DIAPH2: variants seen among roughly 807,000 people sequenced by gnomAD.
The protein encoded by DIAPH2 is diaphanous related formin 2.
Under a neutral mutation model 92.7 loss-of-function variants are expected in DIAPH2, and 35 were observed. That is an observed-to-expected ratio of 0.38 (90% CI 0.29 to 0.50). DIAPH2 has a LOEUF of 0.50. Among genes scored for constraint, DIAPH2 ranks in the 20% least tolerant of loss-of-function variants. The pLI is 0.94. For synonymous variants in DIAPH2, 301 were observed against 280.4 expected (o/e 1.07, Z -0.73); for missense variants, 701 against 819.5 (o/e 0.86, Z 1.77).
chrX:96,720,423 G>A (rs2063982432), intron 1 of DIAPH2, among the ~76,000 whole-genome samples: 1 of 111,748 alleles, frequency 8.9e-6, no homozygotes, highest in East Asian at 2.8e-4. Flanking sequence ...AAGAGATTGA[G>A]AGCATACTTC....
chrX:97,596,671 A>G (rs1307306914), intron 26 of DIAPH2, among the ~76,000 whole-genome samples: 2 of 111,841 alleles, frequency 1.8e-5, no homozygotes, highest in Admixed American at 9.5e-5. Flanking sequence ...TCTGGCAGCA[A>G]TCATATCTAA....
At chrX:97,248,123 TAAACA>T (rs2068157604) in intron 23 of DIAPH2, among the ~76,000 whole-genome samples, 1 of 111,920 alleles carries the variant, frequency 8.9e-6, no homozygotes, top group African/African-American at 3.2e-5. Context: ...TGATGAAACC[TAAACA>T]AAACAAAACA....
chrX:97,164,591 A>C (rs1462693645), intron 22 of DIAPH2, among the ~76,000 whole-genome samples: 3 of 112,205 alleles, frequency 2.7e-5, no homozygotes, highest in African/African-American at 9.7e-5. Flanking sequence ...TGACTTTACT[A>C]TTTTCACATG....
At chrX:97,011,005 A>G (rs2066221319) in intron 17 of DIAPH2, among the ~76,000 whole-genome samples, 1 of 112,124 alleles carries the variant, frequency 8.9e-6, no homozygotes, top group African/African-American at 3.2e-5. Context: ...TTTACCCCAC[A>G]TAATATTATT....
chrX:96,890,175 A>G (rs2065297802), intron 5 of DIAPH2, among the ~76,000 whole-genome samples: 2 of 111,923 alleles, frequency 1.8e-5, no homozygotes, highest in African/African-American at 6.5e-5. Context: ...CTAGTTCTTG[A>G]TCACTCCTCT....
intron 23 of DIAPH2, among the ~76,000 whole-genome samples, chrX:97,272,164 A>C: frequency 9.1e-6 from 1 of 109,865 alleles, no homozygotes; most frequent in Middle Eastern, 4.7e-3. Flanking sequence ...ACGCCTGGCT[A>C]ATTTTTGTAT....
intron 26 of DIAPH2, among the ~76,000 whole-genome samples, chrX:97,559,853 A>G (rs1043688666): frequency 8.9e-6 from 1 of 112,014 alleles, no homozygotes; most frequent in Non-Finnish European, 1.9e-5. Context: ...ATCCTGACCT[A>G]CCAGAAATTG....
At chrX:97,097,576 T>G (rs73534720) in intron 19 of DIAPH2, among the ~76,000 whole-genome samples, 6,177 of 112,038 alleles carry the variant, frequency 0.055, 251 homozygotes, top group Admixed American at 0.17. Flanking sequence ...CAAGCTAAAA[T>G]TATATTTTAG....
chrX:96,754,181 G>T (rs1314989084), intron 3 of DIAPH2, among the ~76,000 whole-genome samples: 1 of 111,884 alleles, frequency 8.9e-6, no homozygotes, highest in Admixed American at 9.5e-5. Flanking sequence ...CTTCCAGTCA[G>T]ATTTTTTTCA....
chrX:97,152,367 G>A (rs1160436679), intron 22 of DIAPH2, among the ~76,000 whole-genome samples: 1 of 111,955 alleles, frequency 8.9e-6, no homozygotes, highest in African/African-American at 3.2e-5. Context: ...ACATTTCCTT[G>A]TGCCAAAGTT....
intron 23 of DIAPH2, among the ~76,000 whole-genome samples, chrX:97,250,077 A>T (rs1407762102): frequency 9.0e-6 from 1 of 111,290 alleles, no homozygotes; most frequent in Non-Finnish European, 1.9e-5. Context: ...AGCCTGGGCA[A>T]CAAGAGCGAA....
chrX:96,866,503 T>G (rs1298046042), intron 4 of DIAPH2, among the ~76,000 whole-genome samples: 1 of 111,963 alleles, frequency 8.9e-6, no homozygotes, highest in Non-Finnish European at 1.9e-5. Context: ...GGCTGACTTT[T>G]TTTTGTTATT....
chrX:96,846,213 T>C (rs2064971119), intron 4 of DIAPH2, among the ~76,000 whole-genome samples: 1 of 109,338 alleles, frequency 9.1e-6, no homozygotes, highest in Non-Finnish European at 1.9e-5. Context: ...AATGGTGCAA[T>C]CTTGGCTCAC....
chrX:97,218,557 C>T (rs1010102499), intron 22 of DIAPH2, among the ~76,000 whole-genome samples: 1 of 109,706 alleles, frequency 9.1e-6, no homozygotes, highest in African/African-American at 3.3e-5. Context: ...TTAATTTTAG[C>T]ATCTTGATCT....
intron 26 of DIAPH2, among the ~76,000 whole-genome samples, chrX:97,500,242 G>T (rs1317318230): frequency 9.0e-6 from 1 of 111,306 alleles, no homozygotes; most frequent in Non-Finnish European, 1.9e-5. Context: ...TTTGCAGGTT[G>T]GTCTCTTGGG....
chrX:97,088,364 G>C (rs748167344), intron 19 of DIAPH2, among the ~76,000 whole-genome samples: 14 of 111,890 alleles, frequency 1.3e-4, no homozygotes, highest in Non-Finnish European at 1.1e-4. Flanking sequence ...CATTTCTACT[G>C]TGTTATTCTT....
intron 26 of DIAPH2, among the ~76,000 whole-genome samples, chrX:97,490,756 A>G (rs2070720340): frequency 9.0e-6 from 1 of 110,994 alleles, no homozygotes; most frequent in African/African-American, 3.3e-5. Flanking sequence ...TCATTCCACT[A>G]TAGTCAGAAA....
intron 4 of DIAPH2, among the ~76,000 whole-genome samples, chrX:96,769,757 G>A (rs1468758884): frequency 8.9e-6 from 1 of 111,968 alleles, no homozygotes. Context: ...ATGCTTCTTT[G>A]CCCTAATGGA....
At chrX:97,010,635 G>C (rs1262853327) in intron 17 of DIAPH2, among the ~76,000 whole-genome samples, 1 of 111,609 alleles carries the variant, frequency 9.0e-6, no homozygotes, top group East Asian at 2.8e-4. Flanking sequence ...GCAGATAGTG[G>C]CTTTCCTAGA....
Sources: allele counts gnomAD v4.1 joint callset (sites outside exome capture counted in the v4.1 genomes callset), GRCh38; gene constraint gnomAD v4.1.1; transcripts MANE v1.5; gene names NCBI Gene and HGNC (gene_info 2026-07-23, HGNC 2026-07-21).